TRPV5: variants seen among roughly 807,000 people sequenced by gnomAD.
TRPV5 encodes transient receptor potential cation channel subfamily V member 5.
In TRPV5, 66 loss-of-function variants were observed where a neutral mutation model predicts 74.1. That is an observed-to-expected ratio of 0.89 (90% CI 0.73 to 1.09). The LOEUF (loss-of-function observed/expected upper bound fraction) is 1.09. Ranked by LOEUF, TRPV5 falls within the 50% of genes least tolerant of loss-of-function variation. TRPV5 has a pLI of 0.00. For synonymous variants in TRPV5, 399 were observed against 360.7 expected, an observed-to-expected ratio of 1.11 and a Z score of -1.20; for missense variants, 936 against 930.4, an observed-to-expected ratio of 1.01 and a Z score of -0.08.
chr7:142,912,376 TG>T, intron 13 of TRPV5, 105 bp downstream of exon 13: 1 of 1,463,446 alleles, frequency 6.8e-7, no homozygotes, highest in Non-Finnish European at 9.2e-7. Flanking sequence ...ACAGCCTCAC[TG>T]GGTTTTTCTG....
intron 12 of TRPV5, 41 bp downstream of exon 12, chr7:142,914,599 C>A: frequency 6.5e-7 from 1 of 1,540,906 alleles, no homozygotes; most frequent in African/African-American, 1.4e-5. Flanking sequence ...TTCTGGAGAA[C>A]TAGATCTGCT....
At chr7:142,925,253 T>G in intron 8 of TRPV5, 2 of 562,806 alleles carry the variant, frequency 3.6e-6, no homozygotes, top group South Asian at 5.1e-5. Context: ...TTTTTGTAAA[T>G]TACCAAAAAA....
At chr7:142,927,655 G>A (rs1231045742) in intron 7 of TRPV5, among the ~76,000 whole-genome samples, 1 of 152,132 alleles carries the variant, frequency 6.6e-6, no homozygotes, top group African/African-American at 2.4e-5. Context: ...ACCGGATCTT[G>A]TGAAAACTCA....
chr7:142,933,627 A>G lies in TRPV5; in HGVS notation c.-168T>C, dbSNP rs1364063339. 1.8e-5 allele frequency: 16 copies of G among 869,222 alleles called. No homozygotes were observed. Among genetic ancestry groups the G allele is most frequent in the Middle Eastern group, 2.6e-4 (1 of 3,834 alleles). 53.8% of individuals were successfully genotyped at this position (869,222 alleles called of 1,614,324 possible). On this transcript the variant is annotated 5_prime_UTR_variant, in exon 1 of 15. The change abolishes an upstream ATG in the 5' untranslated region. Transcript: ENST00000265310. Reference sequence around the variant, plus strand: ...GCAGCTTGTAGGTGTGTGTGTGTGCATGCAGTATGTGGGTTGTGGGGTGTG... The same window carrying G: ...GCAGCTTGTAGGTGTGTGTGTGTGCGTGCAGTATGTGGGTTGTGGGGTGTG...
chr7:142,928,269 G>A (rs1178942704), intron 6 of TRPV5, 35 bp from the exon 7 acceptor site: 13 of 1,613,032 alleles, frequency 8.1e-6, no homozygotes, highest in South Asian at 3.3e-5. Flanking sequence ...GGGGGCCAAC[G>A]TGTGAGAAGG....
At chr7:142,914,259 G>C (rs1441294086) in intron 12 of TRPV5, among the ~76,000 whole-genome samples, 1 of 152,208 alleles carries the variant, frequency 6.6e-6, no homozygotes, top group African/African-American at 2.4e-5. Flanking sequence ...ACATAGGAGA[G>C]TTAAGCATGG....
At chr7:142,932,146 G>T (rs1796106544) in intron 1 of TRPV5, among the ~76,000 whole-genome samples, 1 of 152,104 alleles carries the variant, frequency 6.6e-6, no homozygotes, top group Non-Finnish European at 1.5e-5. Context: ...AGGGAGCCTG[G>T]TGTCCCTGAC....
chr7:142,912,796 T>G, intron 12 of TRPV5, 46 bp from the exon 13 acceptor site: 3 of 1,592,178 alleles, frequency 1.9e-6, no homozygotes, highest in Non-Finnish European at 2.6e-6. Flanking sequence ...AATGGAGTTA[T>G]CACAATAAGC....
At chr7:142,927,528 C>T (rs73170651) in intron 7 of TRPV5, among the ~76,000 whole-genome samples, 113 of 152,252 alleles carry the variant, frequency 7.4e-4, no homozygotes, top group Admixed American at 1.0e-3. Flanking sequence ...CCTGAGGAAA[C>T]GTACAATCAT....
chr7:142,927,222 C>T (rs1796004250), intron 7 of TRPV5, among the ~76,000 whole-genome samples: 1 of 152,186 alleles, frequency 6.6e-6, no homozygotes, highest in Non-Finnish European at 1.5e-5. Context: ...TTAACTCTAC[C>T]TCAATGTGGC....
intron 1 of TRPV5, among the ~76,000 whole-genome samples, chr7:142,931,442 C>G (rs1348029247): frequency 1.3e-5 from 2 of 152,134 alleles, no homozygotes; most frequent in Admixed American, 6.5e-5. Flanking sequence ...GTGGGTGTCT[C>G]AAGGCAAAAC....
At position 142,929,014 on chromosome 7, in the gene TRPV5, G is replaced by A; in HGVS notation, c.586+8C>T. On this transcript the variant is annotated splice_region_variant and intron_variant, in intron 5 of 14. Coordinates refer to ENST00000265310, the MANE Select transcript of TRPV5 (RefSeq NM_019841.7). Reference sequence around the variant, plus strand: ...CATCCCAGCTCCCCTCCCCATCCCAGCTCTTACCCAGGGAGTCCTGGGCCC... The same window carrying A: ...CATCCCAGCTCCCCTCCCCATCCCAACTCTTACCCAGGGAGTCCTGGGCCC... The A allele has an allele frequency of 2.0e-5, 33 of 1,613,914 alleles. No homozygotes were observed. The highest frequency in any genetic ancestry group is 2.3e-5 in the Non-Finnish European group (27 of 1,179,994).
At position 142,933,513 on chromosome 7, in the gene TRPV5, T is replaced by A. The variant is rs1209924590; in HGVS notation, c.-54A>T. Reference sequence around the variant, plus strand: ...ATAGAAATGTGGCGAAAGAAACAGGTCTAGGATGACAGCAACTGAGCAAGA... The same window carrying A: ...ATAGAAATGTGGCGAAAGAAACAGGACTAGGATGACAGCAACTGAGCAAGA... On this transcript the variant is annotated 5_prime_UTR_variant, in exon 1 of 15. Transcript: ENST00000265310. The A allele has an allele frequency of 6.3e-7, 1 of 1,581,750 alleles. No homozygotes were observed. Among genetic ancestry groups the A allele is most frequent in the East Asian group, 2.2e-5 (1 of 44,654 alleles).
At chr7:142,921,348 C>T (rs1345343297) in intron 8 of TRPV5, among the ~76,000 whole-genome samples, 2 of 152,288 alleles carry the variant, frequency 1.3e-5, no homozygotes, top group East Asian at 3.9e-4. Context: ...ATGGCGTGAT[C>T]TCGGCTCACT....
intron 8 of TRPV5, among the ~76,000 whole-genome samples, chr7:142,916,040 C>T (rs952155361): frequency 2.6e-5 from 4 of 152,186 alleles, no homozygotes; most frequent in African/African-American, 9.7e-5. Flanking sequence ...AATCTACTAC[C>T]TCTAGTGAGA....
chr7:142,912,890 T>G (rs1795726939), intron 12 of TRPV5, 140 bp from the exon 13 acceptor site: 4 of 589,998 alleles, frequency 6.8e-6, no homozygotes, highest in South Asian at 3.9e-5. Context: ...CTAAATACAC[T>G]TGCACACATG....
intron 8 of TRPV5, among the ~76,000 whole-genome samples, chr7:142,921,892 C>T (rs1795892195): frequency 6.6e-6 from 1 of 152,164 alleles, no homozygotes; most frequent in South Asian, 2.1e-4. Context: ...GTTATTCCTG[C>T]CTTGAGGCGT....
chr7:142,933,716 T>C lies in TRPV5; in HGVS notation c.-257A>G, dbSNP rs4252369. The stretch of plus-strand genomic sequence containing the variant: ...CATGCAGTGTGTGGTTGTGAGGTGG[T>C]GTGTGTGCATGCAGGTGCGCTGAGG... On this transcript the variant is annotated 5_prime_UTR_variant, in exon 1 of 15. Transcript: ENST00000265310. 259 of 480,964 alleles carry C rather than the reference T, an allele frequency of 5.4e-4. No individual in the cohort carries two copies. Among genetic ancestry groups the C allele is most frequent in the African/African-American group, 4.7e-3 (234 of 49,896 alleles). The allele number at this position is 480,964 out of a possible 1,614,324, so 29.8% of individuals were successfully genotyped here. A position where few individuals can be genotyped will look rare whatever the true frequency, so the allele number is the denominator to read the frequency against.
At position 142,908,658 on chromosome 7, in the gene TRPV5, A is replaced by G; in HGVS notation, c.2046T>C (p.Ala682=). 2 of 1,614,220 alleles carry G rather than the reference A, an allele frequency of 1.2e-6. No individual in the cohort carries two copies. The highest frequency in any genetic ancestry group is 1.7e-6 in the Non-Finnish European group (2 of 1,180,040). The stretch of plus-strand genomic sequence containing the variant: ...TCCGGGACAGGGAGGAAGTTGGAAG[A>G]GCCAAAGAGGCTCTGGCTAGAGTCC... ...ESGTLARASL[A]LPTSSLSRTA... Residue 682 remains alanine, a synonymous_variant, in exon 15 of 15, where the codon GCT becomes GCC. Coordinates refer to ENST00000265310, the MANE Select transcript of TRPV5 (RefSeq NM_019841.7).
Sources: gnomAD v4.1 joint callset for allele counts (sites outside exome capture counted in the v4.1 genomes callset) on GRCh38, gnomAD v4.1.1 for gene constraint, MANE v1.5 for transcripts, NCBI Gene and HGNC (gene_info 2026-07-23, HGNC 2026-07-21) for gene names.